The following CPLANE1 variants were observed in gnomAD, a reference collection of about 807,000 sequenced individuals.
CPLANE1 encodes the protein ciliogenesis and planar polarity effector 1.
Under a neutral mutation model 362.5 loss-of-function variants are expected in CPLANE1, and 263 were observed. The ratio of observed to expected loss-of-function variants is 0.73; its 90% CI spans 0.66 to 0.80. The LOEUF is 0.80. CPLANE1 is among the 30% of genes least tolerant of loss of function. The pLI, the probability that CPLANE1 is intolerant of heterozygous loss-of-function variation, is 0.00. For missense variants in CPLANE1, 3,461 were observed against 3,793.4 expected (o/e 0.91, Z 2.30); for synonymous variants, 1,212 against 1,302.6 (o/e 0.93, Z 1.50).
the CPLANE1 span, among the ~76,000 whole-genome samples, chr5:37,089,725 A>G: frequency 6.6e-6 from 1 of 152,168 alleles, no homozygotes; most frequent in Admixed American, 6.5e-5. Flanking sequence ...GATTGTTTTT[A>G]TATGATTCCC....
rs370359867 is a variant in CPLANE1, at chr5:37,177,638, T to C, written c.5883A>G (p.Lys1961=). The C allele has an allele frequency of 1.2e-6, 2 of 1,613,594 alleles. No homozygotes were observed. The highest frequency in any genetic ancestry group is 1.7e-6 in the Non-Finnish European group (2 of 1,179,590). ...CCCCTTACCCTTTTTGTTCAGTCGA[T>C]TTTTCCTCCATAATTGTCTCCAGTG... ...EEPLETIMEE[K]STEQKGMIEA... is the part of the protein sequence containing the mutation. Residue 1961 remains lysine, a synonymous_variant, in exon 30 of 53, where the codon AAA becomes AAG. Transcript: ENST00000651892.
intron 16 of CPLANE1, 107 bp from the exon 17 acceptor site, chr5:37,206,532 CAGGAAG>C: frequency 1.4e-6 from 1 of 699,018 alleles, no homozygotes; most frequent in Non-Finnish European, 2.4e-6. Context: ...AAAAAACCAC[CAGGAAG>C]ATACATACAA....
chr5:37,108,213 A>AAAAC (rs576771478), intron 52 of CPLANE1, 80 bp downstream of exon 52: 88 of 1,381,608 alleles, frequency 6.4e-5, no homozygotes, highest in African/African-American at 3.7e-4. Context: ...AACAAACTAA[A>AAAAC]AAACAAACAA....
In CPLANE1 at chr5:37,190,476, GCTGAGGTAGAAGGATCA is replaced by G. The variant is rs571834403; in HGVS notation, c.3812-2651_3812-2635del. On this transcript the variant is annotated intron_variant, in intron 21 of 52. Transcript: ENST00000651892. ...ACCTGTAGTCCCAGCTACTCAGGAG[GCTGAGGTAGAAGGATCA>G]CTTGAACCTGGGAGGTCAAGGCTGC... Among the ~76,000 whole-genome samples, 18 of 151,980 alleles carry G rather than the reference GCTGAGGTAGAAGGATCA, an allele frequency of 1.2e-4. 1 individual carries two copies. The South Asian group carries it at 3.5e-3, about 30-fold the overall frequency.
At chr5:37,095,170 T>C in the CPLANE1 span, among the ~76,000 whole-genome samples, 1 of 152,198 alleles carries the variant, frequency 6.6e-6, no homozygotes, top group Non-Finnish European at 1.5e-5. Flanking sequence ...TGAATATAGA[T>C]GCTAAAATCC....
In CPLANE1 at chr5:37,231,000, C is replaced by G; in HGVS notation, c.988G>C (p.Ala330Pro). Residue 330 changes from alanine (A) to proline (P), a missense_variant, in exon 9 of 53, where the codon GCT becomes CCT. By Grantham distance (27) the Ala-to-Pro change is conservative. Transcript: ENST00000651892. The stretch of plus-strand genomic sequence containing the variant: ...AGAGAGCCACGTTTTAACATACAAG[C>G]CAGAAAAAGACTATCATGCGTCCAG... Reference protein sequence around the residue: ...ISWTHDSLFLACMLKRGSLVL... With the variant: ...ISWTHDSLFLPCMLKRGSLVL... The G allele has an allele frequency of 6.4e-7, 1 of 1,550,482 alleles. No individual in the cohort carries two copies. Among genetic ancestry groups the G allele is most frequent in the Non-Finnish European group, 8.7e-7 (1 of 1,146,414 alleles).
intron 16 of CPLANE1, chr5:37,211,953 T>A: frequency 1.2e-6 from 1 of 840,216 alleles, no homozygotes; most frequent in Admixed American, 1.7e-5. Context: ...GCCCCTCTCA[T>A]ATCAGCACCC....
At chr5:37,202,973 A>G (rs1232861266) in intron 18 of CPLANE1, among the ~76,000 whole-genome samples, 1 of 151,230 alleles carries the variant, frequency 6.6e-6, no homozygotes, top group Non-Finnish European at 1.5e-5. Flanking sequence ...AGCTCAGATG[A>G]ATAGCTCAGA....
chr5:37,212,155 T>C, intron 16 of CPLANE1: 1 of 1,115,428 alleles, frequency 9.0e-7, no homozygotes, highest in Non-Finnish European at 1.4e-6. Context: ...AAGATTGAAA[T>C]GGAAAATGAA....
rs1020336280 is a variant in CPLANE1 at position 37,106,948 on chromosome 5, C to T, written c.*654G>A. On this transcript the variant is annotated 3_prime_UTR_variant, in exon 53 of 53. Coordinates refer to ENST00000651892, the MANE Select transcript of CPLANE1 (RefSeq NM_001384732.1). The stretch of plus-strand genomic sequence containing the variant: ...ATGGTTCTTACAAATTTAAGATGAG[C>T]CTTCTAGAGGCCGGAGTCATATTCC... 3.0e-6 allele frequency: 3 copies of T among 985,380 alleles called. No individual in the cohort carries two copies. Among genetic ancestry groups the T allele is most frequent in the Non-Finnish European group, 3.6e-6 (3 of 829,912 alleles). 61.0% of individuals were successfully genotyped at this position (985,380 alleles called of 1,614,324 possible). A position where few individuals can be genotyped will look rare whatever the true frequency, so the allele number is the denominator to read the frequency against.
At chr5:37,146,953 G>A (rs772857017) in intron 43 of CPLANE1, among the ~76,000 whole-genome samples, 1 of 152,056 alleles carries the variant, frequency 6.6e-6, no homozygotes, top group Non-Finnish European at 1.5e-5. Context: ...TGATAAAAGA[G>A]ACAAAATCCA....
chr5:37,121,881 G>GTTTT, intron 48 of CPLANE1, 97 bp from the exon 49 acceptor site: 36 of 722,540 alleles, frequency 5.0e-5, no homozygotes, highest in Admixed American at 6.8e-5. Context: ...GCATGTTCTG[G>GTTTT]TTTTTTTTTT....
At chr5:37,078,755 C>T in the CPLANE1 span, among the ~76,000 whole-genome samples, 1 of 150,822 alleles carries the variant, frequency 6.6e-6, no homozygotes, top group Non-Finnish European at 1.5e-5. Context: ...GCCATTCTGA[C>T]TGGTGTGAGA....
At chr5:37,185,355 T>C (rs1449612633) in intron 24 of CPLANE1, among the ~76,000 whole-genome samples, 2 of 152,104 alleles carry the variant, frequency 1.3e-5, no homozygotes, top group South Asian at 2.1e-4. Flanking sequence ...AAAAAAACTT[T>C]AAGTGATTTA....
the CPLANE1 span, chr5:37,085,600 G>A: frequency 1.1e-6 from 1 of 899,170 alleles, no homozygotes; most frequent in East Asian, 2.4e-5. Context: ...CTGGTAACCT[G>A]TGTATGGTGA....
In CPLANE1 at chr5:37,187,060, CAAAAAAAAAAAA is replaced by C. The variant is rs61112118; in HGVS notation, c.4080+342_4080+353del. Among the ~76,000 whole-genome samples, 72 of 50,410 alleles carry C rather than the reference CAAAAAAAAAAAA, an allele frequency of 1.4e-3. 1 individual carries two copies. Among genetic ancestry groups the C allele is most frequent in the African/African-American group, 5.9e-3 (65 of 11,006 alleles). The allele number at this position is 50,410 out of a possible 152,430, so 33.1% of individuals were successfully genotyped here. A position where few individuals can be genotyped will look rare whatever the true frequency, so the allele number is the denominator to read the frequency against. On this transcript the variant is annotated intron_variant, in intron 23 of 52. Coordinates refer to ENST00000651892, the MANE Select transcript of CPLANE1 (RefSeq NM_001384732.1). ...TGGGTGACAGAGCGAGACTCCGTCTCAAAAAAAAAAAAAAAAAAAAAAAAAAACTATAGTCAC... is the reference window on the plus strand; with the variant it reads ...TGGGTGACAGAGCGAGACTCCGTCTCAAAAAAAAAAAAAAACTATAGTCAC...
At position 37,148,274 on chromosome 5, in the gene CPLANE1, G is replaced by GA. The variant is rs768243106; in HGVS notation, c.8374-7dup. On this transcript the variant is annotated splice_polypyrimidine_tract_variant and splice_region_variant and intron_variant, in intron 42 of 52. Transcript: ENST00000651892. ...ATGTGATCCACTGGTCCAATCTGTA[G>GA]AAAAAACACACACAACAAAACAACA... The GA allele has an allele frequency of 1.5e-5, 24 of 1,575,300 alleles. No individual in the cohort carries two copies. Among genetic ancestry groups the GA allele is most frequent in the African/African-American group, 8.1e-5 (6 of 73,846 alleles).
intron 51 of CPLANE1, 146 bp downstream of exon 51, chr5:37,114,808 GAGAATC>G (rs1023339241): frequency 7.1e-6 from 4 of 565,862 alleles, no homozygotes; most frequent in Non-Finnish European, 1.2e-5. Flanking sequence ...CCTGAGGCAG[GAGAATC>G]ACTTGAACCC....
chr5:37,175,359 T>C (rs1318525399), intron 31 of CPLANE1, among the ~76,000 whole-genome samples: 1 of 152,210 alleles, frequency 6.6e-6, no homozygotes, highest in Non-Finnish European at 1.5e-5. Context: ...CGCAACAACA[T>C]TTTGTGAAGA....
Sources: allele counts gnomAD v4.1 joint callset (sites outside exome capture counted in the v4.1 genomes callset), GRCh38; gene constraint gnomAD v4.1.1; transcripts MANE v1.5; gene names NCBI Gene and HGNC (gene_info 2026-07-23, HGNC 2026-07-21).